The following ATP8A1 variants were observed in gnomAD, a reference collection of about 807,000 sequenced individuals.
The protein encoded by ATP8A1 is ATPase phospholipid transporting 8A1.
A neutral mutation model predicts 177.7 loss-of-function variants in ATP8A1; 90 were observed. The observed-to-expected ratio is 0.51, with a 90% CI of 0.43 to 0.60. The LOEUF is 0.60. Among genes scored for constraint, ATP8A1 ranks in the 20% least tolerant of loss-of-function variants. The pLI, the probability that ATP8A1 is intolerant of heterozygous loss-of-function variation, is 0.00. For missense variants in ATP8A1, 1,072 were observed against 1,392.8 expected (o/e 0.77, Z 3.67); for synonymous variants, 493 against 485.9 (o/e 1.01, Z -0.19).
intron 34 of ATP8A1, among the ~76,000 whole-genome samples, 156 bp downstream of exon 34, chr4:42,423,461 C>G (rs1230007674): frequency 6.6e-6 from 1 of 152,138 alleles, no homozygotes; most frequent in African/African-American, 2.4e-5. Flanking sequence ...AACTAGTTTT[C>G]TAGTTCCTGA....
intron 10 of ATP8A1, among the ~76,000 whole-genome samples, chr4:42,580,383 T>C (rs990679023): frequency 6.6e-6 from 1 of 152,222 alleles, no homozygotes; most frequent in Non-Finnish European, 1.5e-5. Context: ...AACAGGCACC[T>C]GGAAATTTGA....
intron 1 of ATP8A1, among the ~76,000 whole-genome samples, chr4:42,647,422 C>G (rs1476067852): frequency 1.3e-5 from 2 of 152,020 alleles, no homozygotes; most frequent in Non-Finnish European, 2.9e-5. Context: ...CTATAAAATG[C>G]CCACCAGATT....
chr4:42,611,069 C>A (rs1402672820), intron 5 of ATP8A1, among the ~76,000 whole-genome samples: 3 of 152,186 alleles, frequency 2.0e-5, no homozygotes, highest in Non-Finnish European at 4.4e-5. Flanking sequence ...GCTTAACAAC[C>A]CGCAACACAT....
chr4:42,449,167 T>C (rs1377235484), intron 30 of ATP8A1, among the ~76,000 whole-genome samples: 1 of 152,222 alleles, frequency 6.6e-6, no homozygotes, highest in East Asian at 1.9e-4. Context: ...CTTTTACCCA[T>C]GCATGATTCT....
chr4:42,573,902 T>C (rs765683831), intron 14 of ATP8A1, among the ~76,000 whole-genome samples: 7 of 152,152 alleles, frequency 4.6e-5, no homozygotes, highest in Non-Finnish European at 8.8e-5. Flanking sequence ...AGTTTGACAA[T>C]AGGCCAATGT....
At chr4:42,632,080 C>T (rs896611601) in intron 1 of ATP8A1, among the ~76,000 whole-genome samples, 4 of 152,178 alleles carry the variant, frequency 2.6e-5, no homozygotes, top group African/African-American at 9.7e-5. Flanking sequence ...TTTCACAGAG[C>T]AAATTGGCAG....
chr4:42,450,095 A>G (rs1294676378), intron 30 of ATP8A1, among the ~76,000 whole-genome samples: 1 of 152,166 alleles, frequency 6.6e-6, no homozygotes, highest in African/African-American at 2.4e-5. Flanking sequence ...TGTTGCTCCA[A>G]AAAGTGGAAA....
chr4:42,526,138 A>C (rs1358403127), intron 20 of ATP8A1, among the ~76,000 whole-genome samples: 3 of 152,222 alleles, frequency 2.0e-5, no homozygotes, highest in Non-Finnish European at 2.9e-5. Context: ...TATAGCTAAA[A>C]GGATTAAATT....
At chr4:42,645,675 C>T (rs902629128) in intron 1 of ATP8A1, among the ~76,000 whole-genome samples, 5 of 152,166 alleles carry the variant, frequency 3.3e-5, no homozygotes, top group South Asian at 2.1e-4. Context: ...CTCCCACTGC[C>T]CTGTCCACAT....
At chr4:42,632,989 G>A (rs978747750) in intron 1 of ATP8A1, among the ~76,000 whole-genome samples, 14 of 152,168 alleles carry the variant, frequency 9.2e-5, no homozygotes, top group Non-Finnish European at 1.9e-4. Flanking sequence ...CAGAAGAGCA[G>A]GAAAATTCTG....
At chr4:42,580,667 C>T (rs1400793772) in intron 10 of ATP8A1, among the ~76,000 whole-genome samples, 1 of 152,216 alleles carries the variant, frequency 6.6e-6, no homozygotes, top group Non-Finnish European at 1.5e-5. Context: ...TAACAGCAAT[C>T]TCGCTTGCCT....
At chr4:42,456,576 G>T (rs745320162) in intron 27 of ATP8A1, among the ~76,000 whole-genome samples, 4 of 152,156 alleles carry the variant, frequency 2.6e-5, no homozygotes, top group Middle Eastern at 3.4e-3. Context: ...TAAAACATAA[G>T]AAAAATTAAA....
chr4:42,601,033 C>CTTTTTTTTTTTTTTT (rs36117571), intron 5 of ATP8A1, among the ~76,000 whole-genome samples: 1 of 102,430 alleles, frequency 9.8e-6, no homozygotes, highest in East Asian at 3.0e-4. Flanking sequence ...CCCAAATTTT[C>CTTTTTTTTTTTTTTT]TTTTTTTTTT....
At chr4:42,620,674 C>T (rs1737381249) in intron 4 of ATP8A1, among the ~76,000 whole-genome samples, 2 of 152,180 alleles carry the variant, frequency 1.3e-5, no homozygotes, top group South Asian at 2.1e-4. Flanking sequence ...CCGTACCCCT[C>T]CTGCCTCCTC....
At chr4:42,600,778 A>G (rs1735168056) in intron 5 of ATP8A1, among the ~76,000 whole-genome samples, 1 of 152,202 alleles carries the variant, frequency 6.6e-6, no homozygotes, top group Non-Finnish European at 1.5e-5. Flanking sequence ...TAGCACATAG[A>G]GGAACTATGG....
intron 17 of ATP8A1, 51 bp downstream of exon 17, chr4:42,552,454 A>T (rs539195371): frequency 8.6e-5 from 123 of 1,435,018 alleles, no homozygotes; most frequent in Middle Eastern, 7.0e-4. Flanking sequence ...TGACTTTTAC[A>T]TTCAGAACAA....
intron 6 of ATP8A1, among the ~76,000 whole-genome samples, chr4:42,591,085 G>C (rs1341702803): frequency 1.3e-5 from 2 of 151,992 alleles, no homozygotes; most frequent in African/African-American, 4.8e-5. Context: ...TTTAATATTT[G>C]AGGGTTATTT....
At chr4:42,489,052 G>C (rs1034344502) in intron 24 of ATP8A1, among the ~76,000 whole-genome samples, 1 of 152,128 alleles carries the variant, frequency 6.6e-6, no homozygotes. Context: ...GACACACACA[G>C]AGAGAGGTCT....
At chr4:42,552,423 GCTAT>G (rs1729597031) in intron 17 of ATP8A1, 78 bp downstream of exon 17, 3 of 1,153,244 alleles carry the variant, frequency 2.6e-6, no homozygotes, top group Non-Finnish European at 3.7e-6. Context: ...ACTCAATTTG[GCTAT>G]CTTTTTAAAA....
Sources: gnomAD v4.1 joint callset for allele counts (sites outside exome capture counted in the v4.1 genomes callset) on GRCh38, gnomAD v4.1.1 for gene constraint, MANE v1.5 for transcripts, NCBI Gene and HGNC (gene_info 2026-07-23, HGNC 2026-07-21) for gene names.